Variants in GGA1 observed in about 807,000 individuals in gnomAD.
GGA1 encodes the protein ADP-ribosylation factor-binding protein GGA1.
In GGA1, 18 loss-of-function variants were observed where a neutral mutation model predicts 76.9. The observed-to-expected ratio is 0.23, with a 90% CI of 0.16 to 0.35. The LOEUF is 0.35. Among genes scored for constraint, GGA1 ranks in the 10% least tolerant of loss-of-function variants. The pLI is 1.00. For missense variants in GGA1, 755 were observed against 859.0 expected, an observed-to-expected ratio of 0.88 and a Z score of 1.51; for synonymous variants, 342 against 354.7, an observed-to-expected ratio of 0.96 and a Z score of 0.40.
rs144625677 is a variant in GGA1, at chr22:37,630,937, C to G, written c.1366C>G (p.Arg456Gly). The change falls in exon 14 of 17, where the codon CGG becomes GGG. Residue 456 changes from arginine (R) to glycine (G), a missense_variant. By Grantham distance (125) the Arg-to-Gly change is moderately radical. Coordinates refer to ENST00000343632, the MANE Select transcript of GGA1 (RefSeq NM_013365.5). ...GCAGCCAACCCCCCGGCTCACACTCCGGGACCTGCAGAATAAGAGCAGCAG... is the reference window on the plus strand; with the variant it reads ...GCAGCCAACCCCCCGGCTCACACTCGGGGACCTGCAGAATAAGAGCAGCAG... ...KQQPTPRLTL[R>G]DLQNKSSSCS... 3.1e-6 allele frequency: 5 copies of G among 1,612,970 alleles called. No individual in the cohort carries two copies. In the African/African-American group the frequency reaches 6.7e-5, roughly 22 times the overall value.
intron 11 of GGA1, chr22:37,626,888 G>A (rs981527781): frequency 1.1e-4 from 16 of 152,360 alleles, no homozygotes; most frequent in African/African-American, 2.4e-4. Context: ...ACAGAAAGGC[G>A]CGGTGGCTCA....
At chr22:37,615,487 C>T (rs920168367) in intron 2 of GGA1, among the ~76,000 whole-genome samples, 3 of 151,818 alleles carry the variant, frequency 2.0e-5, no homozygotes, top group Non-Finnish European at 4.4e-5. Flanking sequence ...AAAATAAGGC[C>T]GGGTGTGGTG....
chr22:37,612,382 G>A, intron 1 of GGA1, among the ~76,000 whole-genome samples: 1 of 148,362 alleles, frequency 6.7e-6, no homozygotes, highest in African/African-American at 2.5e-5. Flanking sequence ...TGAGGCAGGA[G>A]AATGGCGTGA....
intron 3 of GGA1, 200 bp downstream of exon 3, chr22:37,617,197 G>A (rs766220177): frequency 7.0e-5 from 100 of 1,432,372 alleles, no homozygotes; most frequent in Middle Eastern, 4.1e-4. Flanking sequence ...ATCCATACAC[G>A]TAGGCCTGTT....
In GGA1 at chr22:37,621,602, C is replaced by T. The variant is rs1929905083; in HGVS notation, c.529-14C>T. On this transcript the variant is annotated splice_polypyrimidine_tract_variant and intron_variant, in intron 6 of 16. Coordinates refer to ENST00000343632, the MANE Select transcript of GGA1 (RefSeq NM_013365.5). ...AGGTGCTGCCCTCACGGTCACACCC[C>T]TCTGTCTCTGCAGATGCTGGCCCGC... The T allele has an allele frequency of 6.5e-7, 1 of 1,543,196 alleles. No homozygotes were observed. Among genetic ancestry groups the T allele is most frequent in the Non-Finnish European group, 8.8e-7 (1 of 1,139,582 alleles).
intron 7 of GGA1, among the ~76,000 whole-genome samples, chr22:37,622,403 T>C (rs751867716): frequency 1.1e-4 from 16 of 151,200 alleles, no homozygotes; most frequent in Non-Finnish European, 2.1e-4. Context: ...TAAGTAAATA[T>C]ACATATGTTG....
chr22:37,627,908 C>G (rs894443664), intron 11 of GGA1, among the ~76,000 whole-genome samples: 1 of 152,216 alleles, frequency 6.6e-6, no homozygotes, highest in African/African-American at 2.4e-5. Flanking sequence ...TTCAGGCAGC[C>G]TTAACCTCCC....
chr22:37,621,534 G>A (rs1929885374), intron 6 of GGA1, 82 bp from the exon 7 acceptor site: 1 of 817,432 alleles, frequency 1.2e-6, no homozygotes, highest in Non-Finnish European at 2.0e-6. Context: ...CAGGCAGGAA[G>A]CGGGGAGCCA....
At chr22:37,612,332 C>T (rs1927811483) in intron 1 of GGA1, among the ~76,000 whole-genome samples, 2 of 147,524 alleles carry the variant, frequency 1.4e-5, no homozygotes, top group African/African-American at 5.1e-5. Context: ...ATTAGCCGGG[C>T]GTGGTGGCGG....
At chr22:37,618,141 G>C in intron 3 of GGA1, 1 of 248,532 alleles carries the variant, frequency 4.0e-6, no homozygotes. Flanking sequence ...AAAAAAAAAG[G>C]AAAAATAGTA....
Position 37,624,452 on chromosome 22 carries a change from TAA to T in GGA1, c.833-502_833-501del, listed in dbSNP as rs140362221. Reference sequence around the variant, plus strand: ...GTCTCTATTTCAAATATATTTATATTAAAAAAAAAAAAAAAAGGTTGACAAAA... The same window carrying T: ...GTCTCTATTTCAAATATATTTATATTAAAAAAAAAAAAAAGGTTGACAAAA... On this transcript the variant is annotated intron_variant, in intron 9 of 16. Coordinates refer to ENST00000343632, the MANE Select transcript of GGA1 (RefSeq NM_013365.5). The surrounding 1 kb of genome is among the most constrained non-coding windows in gnomAD (Gnocchi z 4.3). 3.0e-3 allele frequency: 403 copies of T among 132,466 alleles called. No homozygotes were observed. Among genetic ancestry groups the T allele is most frequent in the East Asian group, 0.016 (76 of 4,690 alleles). 8.2% of individuals were successfully genotyped at this position (132,466 alleles called of 1,614,324 possible). A position where few individuals can be genotyped will look rare whatever the true frequency, so the allele number is the denominator to read the frequency against.
chr22:37,620,805 T>A lies in GGA1; in HGVS notation c.428-8T>A. 1 of 1,564,044 alleles carries A rather than the reference T, an allele frequency of 6.4e-7. No homozygotes were observed. Among genetic ancestry groups the A allele is most frequent in the Non-Finnish European group, 8.8e-7 (1 of 1,134,228 alleles). ...ATTGACAGCCTTTCTGACACTCATC[T>A]AATCCAGGGATTGTAAAGTCCGACC... On this transcript the variant is annotated splice_polypyrimidine_tract_variant and splice_region_variant and intron_variant, in intron 5 of 16. Transcript: ENST00000343632.
rs1932143610 is a variant in GGA1, at chr22:37,633,407, C to T, written c.*696C>T. The T allele has an allele frequency of 6.6e-6, 1 of 152,060 alleles. No individual in the cohort carries two copies. Among genetic ancestry groups the T allele is most frequent in the African/African-American group, 2.4e-5 (1 of 41,370 alleles). 9.4% of individuals were successfully genotyped at this position (152,060 alleles called of 1,614,324 possible). On this transcript the variant is annotated 3_prime_UTR_variant, in exon 17 of 17. Transcript: ENST00000343632. ...GCCCCAGCGAGGGGCTGTGGGGCAC[C>T]TAGAGTTCTCGGTGTGTCTCCTTCA...
rs1930701622 is a variant in GGA1, at chr22:37,625,772, G to T, written c.941-25G>T. 2 of 1,532,752 alleles carry T rather than the reference G, an allele frequency of 1.3e-6. No homozygotes were observed. The highest frequency in any genetic ancestry group is 3.8e-5 in the Admixed American group (2 of 52,276). The allele number at this position is 1,532,752 out of a possible 1,614,324, so 94.9% of individuals were successfully genotyped here. A position where few individuals can be genotyped will look rare whatever the true frequency, so the allele number is the denominator to read the frequency against. Reference sequence around the variant, plus strand: ...AGAGACACGTGTACACCCAGGACTTGCCAGCCTCTTCTTTCCCACCCCAGG... The same window carrying T: ...AGAGACACGTGTACACCCAGGACTTTCCAGCCTCTTCTTTCCCACCCCAGG... On this transcript the variant is annotated intron_variant, in intron 10 of 16. Coordinates refer to ENST00000343632, the MANE Select transcript of GGA1 (RefSeq NM_013365.5). The surrounding 1 kb of genome is among the most constrained non-coding windows in gnomAD (Gnocchi z 4.1).
At chr22:37,629,610 GGA>G in intron 12 of GGA1, 84 bp downstream of exon 12, 1 of 885,878 alleles carries the variant, frequency 1.1e-6, no homozygotes. Context: ...GAAACTAAAA[GGA>G]TGGATGGGCT....
Position 37,617,469 on chromosome 22 carries a change from G to A in GGA1, c.204+472G>A, listed in dbSNP as rs568460068. 52 of 1,000,316 alleles carry A rather than the reference G, an allele frequency of 5.2e-5. 1 individual carries two copies. In the African/African-American group the frequency reaches 9.0e-4, roughly 17 times the overall value. 62.0% of individuals were successfully genotyped at this position (1,000,316 alleles called of 1,614,324 possible). A position where few individuals can be genotyped will look rare whatever the true frequency, so the allele number is the denominator to read the frequency against. On this transcript the variant is annotated intron_variant, in intron 3 of 16. Transcript: ENST00000343632. ...TGTACTGTCTGTGGCCCCCAGCATG[G>A]GCCACATACCAACCCACCATGGAGC...
chr22:37,621,883 C>T (rs1476078698), intron 7 of GGA1, among the ~76,000 whole-genome samples, 187 bp downstream of exon 7: 1 of 151,898 alleles, frequency 6.6e-6, no homozygotes, highest in African/African-American at 2.4e-5. Context: ...GGGTGACTTG[C>T]TCTGGATGGG....
chr22:37,632,064 C>T lies in GGA1; in HGVS notation c.1597C>T (p.Pro533Ser). The change falls in exon 15 of 17, where the codon CCA (proline) becomes TCA (serine). Residue 533 changes from proline (P) to serine (S), a missense_variant. Physicochemically the swap from Pro to Ser is moderately conservative, Grantham distance 74. Coordinates refer to ENST00000343632, the MANE Select transcript of GGA1 (RefSeq NM_013365.5). The surrounding 1 kb of genome is among the most constrained non-coding windows in gnomAD (Gnocchi z 5.1). ...FRILFHFARDPLPGRSDVLVV... is the reference protein window; with the variant it reads ...FRILFHFARDSLPGRSDVLVV... The stretch of plus-strand genomic sequence containing the variant: ...CATCCTCTTCCATTTTGCCCGGGAC[C>T]CACTGCCAGGGCGCTCCGACGTGCT... 6.2e-7 allele frequency: 1 copy of T among 1,613,754 alleles called. No individual in the cohort carries two copies. Among genetic ancestry groups the T allele is most frequent in the Non-Finnish European group, 8.5e-7 (1 of 1,179,914 alleles).
Position 37,617,418 on chromosome 22 carries a change from C to T in GGA1, c.204+421C>T, listed in dbSNP as rs567561840. The T allele has an allele frequency of 2.1e-4, 219 of 1,064,044 alleles. 1 individual carries two copies. The highest frequency in any genetic ancestry group is 1.3e-3 in the Middle Eastern group (3 of 2,276). The allele number at this position is 1,064,044 out of a possible 1,614,324, so 65.9% of individuals were successfully genotyped here. A position where few individuals can be genotyped will look rare whatever the true frequency, so the allele number is the denominator to read the frequency against. Reference sequence around the variant, plus strand: ...TGGGCTCAGGCCTGAGGTTTTGCATCTGTTCAATAGCAGAGGAGAGAGGGG... The same window carrying T: ...TGGGCTCAGGCCTGAGGTTTTGCATTTGTTCAATAGCAGAGGAGAGAGGGG... On this transcript the variant is annotated intron_variant, in intron 3 of 16. Coordinates refer to ENST00000343632, the MANE Select transcript of GGA1 (RefSeq NM_013365.5).
Sources: gnomAD v4.1 joint callset for allele counts (sites outside exome capture counted in the v4.1 genomes callset) on GRCh38, gnomAD v4.1.1 for gene constraint, Gnocchi (gnomAD v3.1) non-coding constraint, MANE v1.5 for transcripts, NCBI Gene and HGNC (gene_info 2026-07-23, HGNC 2026-07-21) for gene names.